The following USP6NL variants were observed in gnomAD, a reference collection of about 807,000 sequenced individuals.
The protein encoded by USP6NL is USP6 N-terminal like.
Under a neutral mutation model 61.9 loss-of-function variants are expected in USP6NL, and 26 were observed. The observed-to-expected ratio is 0.42, with a 90% CI of 0.31 to 0.58. The LOEUF (loss-of-function observed/expected upper bound fraction) is 0.58. Ranked by LOEUF, USP6NL falls within the 20% of genes least tolerant of loss-of-function variation. USP6NL has a pLI of 0.16. For synonymous variants in USP6NL, 432 were observed against 390.1 expected, an observed-to-expected ratio of 1.11 and a Z score of -1.27; for missense variants, 1,114 against 1,034.3, an observed-to-expected ratio of 1.08 and a Z score of -1.06.
At chr10:11,544,708 C>T (rs1022009509) in intron 2 of USP6NL, among the ~76,000 whole-genome samples, 3 of 152,100 alleles carry the variant, frequency 2.0e-5, no homozygotes, top group Non-Finnish European at 2.9e-5. Context: ...AGGCTGGTCT[C>T]AAACTCCTTA....
chr10:11,531,510 GT>G (rs1469915656), intron 2 of USP6NL, among the ~76,000 whole-genome samples: 1 of 151,728 alleles, frequency 6.6e-6, no homozygotes, highest in East Asian at 1.9e-4. Flanking sequence ...TAGAGATGAG[GT>G]TTCACCATGT....
At chr10:11,471,464 TC>T (rs758781542) in intron 14 of USP6NL, among the ~76,000 whole-genome samples, 23 of 152,260 alleles carry the variant, frequency 1.5e-4, no homozygotes, top group Admixed American at 2.6e-4. Context: ...GACCCAGCCA[TC>T]CCATTACTGG....
chr10:11,560,714 T>TTATATATATATATA (rs56221814), intron 2 of USP6NL, among the ~76,000 whole-genome samples: 2 of 141,326 alleles, frequency 1.4e-5, no homozygotes, highest in East Asian at 2.0e-4. Flanking sequence ...TATATATATA[T>TTATATATATATATA]TATATATATA....
At chr10:11,488,803 C>A (rs1456100381) in intron 10 of USP6NL, among the ~76,000 whole-genome samples, 2 of 152,116 alleles carry the variant, frequency 1.3e-5, no homozygotes, top group African/African-American at 4.8e-5. Context: ...CAATAATATA[C>A]CTGTTCTTAA....
At chr10:11,506,917 T>G (rs1009748485) in intron 6 of USP6NL, among the ~76,000 whole-genome samples, 9 of 152,204 alleles carry the variant, frequency 5.9e-5, no homozygotes, top group Non-Finnish European at 2.9e-5. Context: ...TTTTTTTACT[T>G]GAATGCAATT....
At chr10:11,539,765 T>C (rs1835977010) in intron 2 of USP6NL, among the ~76,000 whole-genome samples, 1 of 152,336 alleles carries the variant, frequency 6.6e-6, no homozygotes, top group South Asian at 2.1e-4. Context: ...TAACAACTCC[T>C]TGCTTGTGGA....
chr10:11,558,504 G>A (rs1321767406), intron 2 of USP6NL, among the ~76,000 whole-genome samples: 1 of 152,090 alleles, frequency 6.6e-6, no homozygotes, highest in East Asian at 1.9e-4. Context: ...ATACCTACAG[G>A]ATAAATCCCA....
intron 6 of USP6NL, among the ~76,000 whole-genome samples, chr10:11,503,731 T>C (rs1286277160): frequency 6.6e-6 from 1 of 152,230 alleles, no homozygotes; most frequent in Non-Finnish European, 1.5e-5. Flanking sequence ...CCCTTCCCTT[T>C]AAGCTATTTA....
chr10:11,586,916 G>A (rs1837987978), intron 2 of USP6NL, among the ~76,000 whole-genome samples: 1 of 152,118 alleles, frequency 6.6e-6, no homozygotes, highest in Admixed American at 6.5e-5. Context: ...CTTCTGTTTA[G>A]AACACTCTCC....
At chr10:11,580,867 T>TGATGGACG (rs1555173786) in intron 2 of USP6NL, among the ~76,000 whole-genome samples, 1 of 149,744 alleles carries the variant, frequency 6.7e-6, no homozygotes, top group Non-Finnish European at 1.5e-5. Context: ...AACGGATAGA[T>TGATGGACG]GATGGATGGA....
At chr10:11,593,687 G>A (rs889466163) in intron 2 of USP6NL, among the ~76,000 whole-genome samples, 4 of 152,164 alleles carry the variant, frequency 2.6e-5, no homozygotes, top group Admixed American at 1.3e-4. Context: ...GCCTCAGAAC[G>A]TGATAGCCTA....
At chr10:11,584,783 C>T (rs562424701) in intron 2 of USP6NL, among the ~76,000 whole-genome samples, 1 of 151,970 alleles carries the variant, frequency 6.6e-6, no homozygotes, top group African/African-American at 2.4e-5. Context: ...CAGAAAAATA[C>T]AAAAATTGGC....
At chr10:11,538,277 T>A (rs1835915512) in intron 2 of USP6NL, among the ~76,000 whole-genome samples, 1 of 152,172 alleles carries the variant, frequency 6.6e-6, no homozygotes, top group Admixed American at 6.5e-5. Flanking sequence ...ACTAGAATTG[T>A]AAGCTGCTTA....
At chr10:11,519,809 C>T (rs921481281) in intron 4 of USP6NL, among the ~76,000 whole-genome samples, 5 of 151,992 alleles carry the variant, frequency 3.3e-5, no homozygotes, top group African/African-American at 4.8e-5. Flanking sequence ...ATATAAAAAC[C>T]ACATGCTATC....
chr10:11,551,136 C>T (rs959440646), intron 2 of USP6NL, among the ~76,000 whole-genome samples: 5 of 152,180 alleles, frequency 3.3e-5, no homozygotes, highest in South Asian at 4.1e-4. Context: ...TAGGTATCTA[C>T]GCAAAAGAAA....
Position 11,596,448 on chromosome 10 carries a change from C to T in USP6NL, c.4+1183G>A, listed in dbSNP as rs575814248. On this transcript the variant is annotated intron_variant, in intron 2 of 14. Transcript: ENST00000609104. This position sits in a 1 kb window ranked among gnomAD's most constrained non-coding sequence, Gnocchi z 4.1. ...CATCCTGACTAACACGGTGAAACCC[C>T]GTCTCTACTAAAAATACAAAAAAAA... 2.6e-5 allele frequency among the ~76,000 whole-genome samples: 4 copies of T among 151,944 alleles called. No homozygotes were observed. Among genetic ancestry groups the T allele is most frequent in the African/African-American group, 9.7e-5 (4 of 41,442 alleles).
chr10:11,552,499 T>G (rs962954332), intron 2 of USP6NL, among the ~76,000 whole-genome samples: 2 of 152,232 alleles, frequency 1.3e-5, no homozygotes, highest in Admixed American at 6.5e-5. Flanking sequence ...TTAAGATTAG[T>G]CCTTGAAATC....
chr10:11,606,145 C>T (rs1427144336), intron 1 of USP6NL, among the ~76,000 whole-genome samples: 1 of 152,062 alleles, frequency 6.6e-6, no homozygotes, highest in Non-Finnish European at 1.5e-5. Flanking sequence ...GAGAAAGAAA[C>T]AAATTAGCAA....
intron 1 of USP6NL, among the ~76,000 whole-genome samples, chr10:11,606,020 CAT>C (rs1838696166): frequency 6.6e-6 from 1 of 151,968 alleles, no homozygotes; most frequent in Non-Finnish European, 1.5e-5. Context: ...CAAAATGCCC[CAT>C]ATATCTCAAA....
Sources: gnomAD v4.1 joint callset for allele counts (sites outside exome capture counted in the v4.1 genomes callset) on GRCh38, gnomAD v4.1.1 for gene constraint, Gnocchi (gnomAD v3.1) non-coding constraint, MANE v1.5 for transcripts, NCBI Gene and HGNC (gene_info 2026-07-23, HGNC 2026-07-21) for gene names.